The following SLC12A6 variants were observed in gnomAD, a reference collection of about 807,000 sequenced individuals.
The protein encoded by SLC12A6 is K-Cl cotransporter 3.
Under a neutral mutation model 135.3 loss-of-function variants are expected in SLC12A6, and 66 were observed. That is an observed-to-expected ratio of 0.49 (90% confidence interval 0.40 to 0.60). The LOEUF is 0.60. Among genes scored for constraint, SLC12A6 ranks in the 20% least tolerant of loss-of-function variants. The pLI is 0.00. For synonymous variants in SLC12A6, 513 were observed against 508.8 expected, an observed-to-expected ratio of 1.01 and a Z score of -0.11; for missense variants, 1,058 against 1,452.3, an observed-to-expected ratio of 0.73 and a Z score of 4.41.
chr15:34,256,963 G>A (rs1311131746), intron 6 of SLC12A6, among the ~76,000 whole-genome samples: 2 of 152,170 alleles, frequency 1.3e-5, no homozygotes, highest in African/African-American at 4.8e-5. Context: ...CTAAAAAAAG[G>A]TGGTACCATG....
At chr15:34,307,055 G>A (rs1211815078) in intron 2 of SLC12A6, among the ~76,000 whole-genome samples, 1 of 152,132 alleles carries the variant, frequency 6.6e-6, no homozygotes, top group African/African-American at 2.4e-5. Flanking sequence ...AAACTTCTGG[G>A]GGTGACGAAA....
chr15:34,276,651 A>C (rs1202619242), intron 2 of SLC12A6, among the ~76,000 whole-genome samples: 1 of 152,236 alleles, frequency 6.6e-6, no homozygotes, highest in African/African-American at 2.4e-5. Context: ...TGGGAAAAAA[A>C]GTCACATCTT....
chr15:34,298,477 AAT>A (rs1215261493), intron 2 of SLC12A6, among the ~76,000 whole-genome samples: 4 of 151,410 alleles, frequency 2.6e-5, no homozygotes, highest in Non-Finnish European at 4.4e-5. Flanking sequence ...TCTGTCTCAA[AAT>A]AAATAAATAA....
chr15:34,244,345 A>G (rs376100138), intron 15 of SLC12A6, among the ~76,000 whole-genome samples: 50 of 152,180 alleles, frequency 3.3e-4, no homozygotes, highest in Non-Finnish European at 4.3e-4. Context: ...ACCAAGTCCT[A>G]TGGATTCTAT....
At chr15:34,318,561 C>T in intron 2 of SLC12A6, 2 of 1,613,162 alleles carry the variant, frequency 1.2e-6, no homozygotes, top group Non-Finnish European at 8.5e-7. Flanking sequence ...GCGTACTCAC[C>T]TGGTTCATCT....
At position 34,258,886 on chromosome 15, in the gene SLC12A6, G is replaced by A; in HGVS notation, c.470C>T (p.Thr157Ile). The A allele has an allele frequency of 1.2e-6, 2 of 1,611,530 alleles. No homozygotes were observed. Among genetic ancestry groups the A allele is most frequent in the Non-Finnish European group, 1.7e-6 (2 of 1,177,668 alleles). ...TTCCTTTGCTCCTTGAGTCAGATTA[G>A]TGTAATTGGCCATGCGGTTGAGGAG... ...SSLLNRMANY[T>I]NLTQGAKEHE... is the part of the protein sequence containing the mutation. Residue 157 changes from threonine to isoleucine, a missense_variant, in exon 5 of 26, where the codon ACT becomes ATT. Thr to Ile is a moderately conservative substitution (Grantham distance 89, BLOSUM62 -1). Coordinates refer to ENST00000354181, the MANE Select transcript of SLC12A6 (RefSeq NM_001365088.1).
chr15:34,235,828 T>C (rs1025443515), intron 24 of SLC12A6, among the ~76,000 whole-genome samples, 187 bp downstream of exon 24: 1 of 152,156 alleles, frequency 6.6e-6, no homozygotes, highest in South Asian at 2.1e-4. Context: ...AGGTGAACTA[T>C]GTGGATAGAG....
chr15:34,305,136 C>A (rs899921742), intron 2 of SLC12A6, among the ~76,000 whole-genome samples: 32 of 152,198 alleles, frequency 2.1e-4, no homozygotes, highest in African/African-American at 7.7e-4. Flanking sequence ...ATAGGTGCAA[C>A]CTGTTCTATC....
At chr15:34,252,500 T>C (rs1203883570) in intron 9 of SLC12A6, 116 bp from the exon 10 acceptor site, 1 of 683,038 alleles carries the variant, frequency 1.5e-6, no homozygotes, top group East Asian at 2.7e-5. Context: ...TCTACTGTTA[T>C]GGGTGGGAAA....
At chr15:34,304,178 T>C (rs1030857698) in intron 2 of SLC12A6, among the ~76,000 whole-genome samples, 2 of 152,186 alleles carry the variant, frequency 1.3e-5, no homozygotes, top group African/African-American at 2.4e-5. Flanking sequence ...CAGTATGTGT[T>C]TGGGGTTTTT....
chr15:34,229,825 G>T lies in SLC12A6; in HGVS notation c.*4056C>A, dbSNP rs1405172413. 6.2e-7 allele frequency: 1 copy of T among 1,608,548 alleles called. No individual in the cohort carries two copies. The highest frequency in any genetic ancestry group is 8.5e-7 in the Non-Finnish European group (1 of 1,175,052). On this transcript the variant is annotated 3_prime_UTR_variant, in exon 26 of 26. Coordinates refer to ENST00000354181, the MANE Select transcript of SLC12A6 (RefSeq NM_001365088.1). Reference sequence around the variant, plus strand: ...CAGCGCCTGGTCCCTATGTATTTGGGTCTTATTTACATCCTTCTTTAAGCC... The same window carrying T: ...CAGCGCCTGGTCCCTATGTATTTGGTTCTTATTTACATCCTTCTTTAAGCC...
rs539109875 is a variant in SLC12A6 at position 34,232,425 on chromosome 15, A to C, written c.*1456T>G. The C allele has an allele frequency of 3.3e-5, 5 of 152,200 alleles. No homozygotes were observed. In the East Asian group the frequency reaches 9.7e-4, roughly 29 times the overall value. The allele number at this position is 152,200 out of a possible 1,614,324, so 9.4% of individuals were successfully genotyped here. A position where few individuals can be genotyped will look rare whatever the true frequency, so the allele number is the denominator to read the frequency against. ...GTATTTTTAGTATAGACAGGTTTTC[A>C]CCATGTTGGCCAGGATGGTCTCGAA... On this transcript the variant is annotated 3_prime_UTR_variant, in exon 26 of 26. Transcript: ENST00000354181.
chr15:34,255,612 T>C (rs1211966573), intron 7 of SLC12A6, among the ~76,000 whole-genome samples: 1 of 152,066 alleles, frequency 6.6e-6, no homozygotes, highest in African/African-American at 2.4e-5. Context: ...TATGAAGCAA[T>C]AGTTTGCCAG....
rs1887906541 is a variant in SLC12A6, at chr15:34,308,596, G to GC, written c.271+27813dup. 2.3e-5 allele frequency among the ~76,000 whole-genome samples: 3 copies of GC among 131,260 alleles called. No homozygotes were observed. The Admixed American group carries it at 2.6e-4, about 12-fold the overall frequency. 86.1% of individuals were successfully genotyped at this position (131,260 alleles called of 152,430 possible). A position where few individuals can be genotyped will look rare whatever the true frequency, so the allele number is the denominator to read the frequency against. ...GCCGAGACCACTCCACTGCACTTCA[G>GC]CCTGAGCAAGGAAGCCAGACACTGT... On this transcript the variant is annotated intron_variant, in intron 2 of 25. Transcript: ENST00000354181.
chr15:34,236,929 C>T, intron 22 of SLC12A6, 114 bp from the exon 23 acceptor site: 1 of 716,198 alleles, frequency 1.4e-6, no homozygotes, highest in East Asian at 2.7e-5. Flanking sequence ...ACTATATTAA[C>T]CTAAGCTTCA....
rs347867 is a variant in SLC12A6, at chr15:34,318,763, G to C, written c.271+17647C>G. On this transcript the variant is annotated intron_variant, in intron 2 of 25. Transcript: ENST00000354181. Reference sequence around the variant, plus strand: ...CCCTGCCTACCTCTTCCTTGCTGTCGTTTCAGACTGTGATCCCTGCCTACA... The same window carrying C: ...CCCTGCCTACCTCTTCCTTGCTGTCCTTTCAGACTGTGATCCCTGCCTACA... 0.29 allele frequency: 469,412 copies of C among 1,593,214 alleles called. 77,677 individuals are homozygous for C. The highest frequency in any genetic ancestry group is 0.73 in the African/African-American group (54,500 of 74,414).
chr15:34,292,068 T>C (rs1238293853), intron 2 of SLC12A6, among the ~76,000 whole-genome samples: 2 of 152,220 alleles, frequency 1.3e-5, no homozygotes, highest in Non-Finnish European at 2.9e-5. Context: ...AGAGGCATTC[T>C]GGTTTTTGGA....
At chr15:34,316,727 T>C (rs1888675452) in intron 2 of SLC12A6, among the ~76,000 whole-genome samples, 1 of 152,196 alleles carries the variant, frequency 6.6e-6, no homozygotes, top group Non-Finnish European at 1.5e-5. Flanking sequence ...TTACAGGTAG[T>C]TGCTAACAGA....
At chr15:34,236,348 C>CTTTTTTTTTTTTTTTTTTTTTTT (rs568374496) in intron 23 of SLC12A6, 149 bp from the exon 24 acceptor site, 1 of 554,930 alleles carries the variant, frequency 1.8e-6, no homozygotes, top group Non-Finnish European at 3.2e-6. Context: ...AGTATCATCC[C>CTTTTTTTTTTTTTTTTTTTTTTT]TTTTTTTTTT....
Sources: allele counts gnomAD v4.1 joint callset (sites outside exome capture counted in the v4.1 genomes callset), GRCh38; gene constraint gnomAD v4.1.1; transcripts MANE v1.5; gene names NCBI Gene and HGNC (gene_info 2026-07-23, HGNC 2026-07-21).